PLEKHG7: variants seen among roughly 807,000 people sequenced by gnomAD.
PLEKHG7 encodes the protein pleckstrin homology domain-containing family G member 7.
In PLEKHG7, 77 loss-of-function variants were observed where a neutral mutation model predicts 85.2. The ratio of observed to expected loss-of-function variants is 0.90; its 90% CI spans 0.75 to 1.09. The LOEUF is 1.09. Ranked by LOEUF, PLEKHG7 falls within the 50% of genes least tolerant of loss-of-function variation. The probability of loss-of-function intolerance (pLI) is 0.00; values close to 1 mark genes in which losing one functional copy is unlikely to be tolerated. For synonymous variants in PLEKHG7, 301 were observed against 302.4 expected (o/e 1.00, Z 0.05); for missense variants, 777 against 804.3 (o/e 0.97, Z 0.41).
chr12:92,734,033 G>T (rs1872067122), intron 5 of PLEKHG7, among the ~76,000 whole-genome samples: 1 of 152,210 alleles, frequency 6.6e-6, no homozygotes, highest in East Asian at 1.9e-4. Context: ...AGAATAATTA[G>T]TGGACGTTTT....
intron 3 of PLEKHG7, among the ~76,000 whole-genome samples, chr12:92,719,441 A>G (rs2136580011): frequency 6.6e-6 from 1 of 152,346 alleles, no homozygotes; most frequent in Admixed American, 6.5e-5. Context: ...GAAAAAGACT[A>G]CATTTACCAT....
intron 13 of PLEKHG7, among the ~76,000 whole-genome samples, chr12:92,761,287 A>G (rs1405268880): frequency 6.6e-6 from 1 of 152,166 alleles, no homozygotes; most frequent in Non-Finnish European, 1.5e-5. Context: ...TGCAAGTTCA[A>G]TCAGTTGATA....
chr12:92,756,444 G>C, intron 13 of PLEKHG7, 53 bp downstream of exon 13: 1 of 1,359,474 alleles, frequency 7.4e-7, no homozygotes, highest in Non-Finnish European at 1.1e-6. Flanking sequence ...CTTGTAACTT[G>C]TTTGACTGCC....
intron 14 of PLEKHG7, among the ~76,000 whole-genome samples, chr12:92,763,814 G>A (rs570808883): frequency 6.6e-6 from 1 of 152,008 alleles, no homozygotes; most frequent in South Asian, 2.1e-4. Flanking sequence ...GTGAGACCCT[G>A]TCTCAAGAAA....
In PLEKHG7 at chr12:92,772,101, G is replaced by A. The variant is rs1023024206; in HGVS notation, c.*1906G>A. The A allele has an allele frequency of 9.9e-5, 15 of 151,634 alleles. No individual in the cohort carries two copies. The highest frequency in any genetic ancestry group is 3.4e-4 in the African/African-American group (14 of 41,332). 9.4% of individuals were successfully genotyped at this position (151,634 alleles called of 1,614,324 possible). ...CCGTGGCTCCCAGGAAGAAAAAATA[G>A]CAAAAAACAATGGCACATTGGGCCT... On this transcript the variant is annotated 3_prime_UTR_variant, in exon 17 of 17. Transcript: ENST00000344636.
chr12:92,723,848 C>T (rs138657618), intron 3 of PLEKHG7, among the ~76,000 whole-genome samples: 2 of 152,254 alleles, frequency 1.3e-5, no homozygotes, highest in East Asian at 1.9e-4. Context: ...TAGTTACACG[C>T]TCTCTGAGGT....
In PLEKHG7 at chr12:92,706,551, G is replaced by A. The variant is rs12301023; in HGVS notation, c.-81G>A. 3.4e-4 allele frequency: 510 copies of A among 1,481,310 alleles called. 4 individuals carry two copies. The African/African-American group carries it at 6.4e-3, about 19-fold the overall frequency. The allele number at this position is 1,481,310 out of a possible 1,614,324, so 91.8% of individuals were successfully genotyped here. A position where few individuals can be genotyped will look rare whatever the true frequency, so the allele number is the denominator to read the frequency against. On this transcript the variant is annotated 5_prime_UTR_variant, in exon 2 of 17. An upstream open reading frame in the 5' UTR loses its in-frame stop. Coordinates refer to ENST00000344636, the MANE Select transcript of PLEKHG7 (RefSeq NM_001377329.1). Reference sequence around the variant, plus strand: ...AGCATGGCACTTGGATGCAGAAATTGAGCACCCTCCATGTGATCCAGAGAA... The same window carrying A: ...AGCATGGCACTTGGATGCAGAAATTAAGCACCCTCCATGTGATCCAGAGAA...
intron 14 of PLEKHG7, 25 bp downstream of exon 14, chr12:92,761,856 C>T (rs766312258): frequency 7.8e-6 from 12 of 1,536,692 alleles, no homozygotes; most frequent in East Asian, 2.5e-5. Context: ...TTTCAAAGTA[C>T]GTTTCTAAAC....
chr12:92,714,290 G>A (rs1871424285), intron 3 of PLEKHG7, among the ~76,000 whole-genome samples: 1 of 152,208 alleles, frequency 6.6e-6, no homozygotes, highest in South Asian at 2.1e-4. Context: ...GGGTGGGGAT[G>A]TTGCCACTAC....
chr12:92,770,404 A>G lies in PLEKHG7; in HGVS notation c.*209A>G. ...TTGAACTCTGAGGAATTTCTTGACA[A>G]ATATATACTGACATCCAGATTACCT... On this transcript the variant is annotated 3_prime_UTR_variant, in exon 17 of 17. Transcript: ENST00000344636. 2.0e-6 allele frequency: 1 copy of G among 491,168 alleles called. No individual in the cohort carries two copies. Among genetic ancestry groups the G allele is most frequent in the Non-Finnish European group, 3.6e-6 (1 of 281,172 alleles). The allele number at this position is 491,168 out of a possible 1,614,324, so 30.4% of individuals were successfully genotyped here.
chr12:92,746,395 C>G (rs1872534070), intron 10 of PLEKHG7, among the ~76,000 whole-genome samples: 1 of 152,174 alleles, frequency 6.6e-6, no homozygotes, highest in Admixed American at 6.5e-5. Flanking sequence ...GGGCTTCCGC[C>G]CCAGCCTTGA....
rs766364749 is a variant in PLEKHG7, at chr12:92,770,030, A to G, written c.1969-58A>G. The G allele has an allele frequency of 4.1e-5, 48 of 1,159,442 alleles. 2 individuals carry two copies. The highest frequency in any genetic ancestry group is 5.2e-4 in the Middle Eastern group (2 of 3,852). 71.8% of individuals were successfully genotyped at this position (1,159,442 alleles called of 1,614,324 possible). A position where few individuals can be genotyped will look rare whatever the true frequency, so the allele number is the denominator to read the frequency against. On this transcript the variant is annotated intron_variant, in intron 16 of 16. Coordinates refer to ENST00000344636, the MANE Select transcript of PLEKHG7 (RefSeq NM_001377329.1). The stretch of plus-strand genomic sequence containing the variant: ...GAAAATATTAGCCCAAATATGTGAG[A>G]AATTGTCAGCTTAACATTCTAATCT...
intron 3 of PLEKHG7, among the ~76,000 whole-genome samples, chr12:92,709,266 A>G (rs937101526): frequency 6.6e-6 from 1 of 152,244 alleles, no homozygotes; most frequent in African/African-American, 2.4e-5. Context: ...TAGGAGATAC[A>G]ATCCCCCAGA....
At chr12:92,703,319 T>C (rs1871138093) in intron 1 of PLEKHG7, among the ~76,000 whole-genome samples, 187 bp downstream of exon 1, 1 of 152,226 alleles carries the variant, frequency 6.6e-6, no homozygotes, top group Admixed American at 6.5e-5. Context: ...GGTGGGTGTT[T>C]GCTGGATTCT....
chr12:92,750,150 T>C (rs891222613), intron 10 of PLEKHG7, among the ~76,000 whole-genome samples: 13 of 151,656 alleles, frequency 8.6e-5, no homozygotes, highest in Non-Finnish European at 1.5e-4. Context: ...CATATTTTCA[T>C]CTGGGGCCCT....
intron 5 of PLEKHG7, among the ~76,000 whole-genome samples, chr12:92,732,487 T>C (rs1055977397): frequency 6.6e-6 from 1 of 152,218 alleles, no homozygotes; most frequent in Non-Finnish European, 1.5e-5. Flanking sequence ...TTGCCAGTGG[T>C]TAATTAGTTC....
intron 3 of PLEKHG7, 77 bp from the exon 4 acceptor site, chr12:92,728,916 T>C: frequency 5.3e-6 from 6 of 1,128,802 alleles, no homozygotes; most frequent in East Asian, 3.2e-5. Context: ...GTTGTTTTTT[T>C]ACTTTTTAAA....
intron 2 of PLEKHG7, chr12:92,707,433 T>C (rs576359680): frequency 1.6e-5 from 23 of 1,431,580 alleles, no homozygotes; most frequent in East Asian, 5.0e-5. Flanking sequence ...CCGAGAGCAA[T>C]GGGGGCCCTC....
At chr12:92,761,665 A>C in intron 13 of PLEKHG7, 87 bp from the exon 14 acceptor site, 5 of 1,362,412 alleles carry the variant, frequency 3.7e-6, no homozygotes, top group Non-Finnish European at 4.8e-6. Context: ...AAAGAAAGAA[A>C]GAAAGAAAGA....
Sources: gnomAD v4.1 joint callset for allele counts (sites outside exome capture counted in the v4.1 genomes callset) on GRCh38, gnomAD v4.1.1 for gene constraint, MANE v1.5 for transcripts, NCBI Gene and HGNC (gene_info 2026-07-23, HGNC 2026-07-21) for gene names.